Variants in DCAF12 observed in about 807,000 individuals in gnomAD.
The protein encoded by DCAF12 is DDB1 and CUL4 associated factor 12.
Under a neutral mutation model 52.8 loss-of-function variants are expected in DCAF12, and 28 were observed. That is an observed-to-expected ratio of 0.53 (90% confidence interval 0.39 to 0.73). The LOEUF (loss-of-function observed/expected upper bound fraction) is 0.73, where lower values mean the gene tolerates loss of function less well. Ranked by LOEUF, DCAF12 falls within the 30% of genes least tolerant of loss-of-function variation. DCAF12 has a pLI of 0.00. For missense variants in DCAF12, 425 were observed against 552.2 expected, an observed-to-expected ratio of 0.77 and a Z score of 2.31; for synonymous variants, 196 against 215.5, an observed-to-expected ratio of 0.91 and a Z score of 0.79.
intron 4 of DCAF12, among the ~76,000 whole-genome samples, chr9:34,102,620 T>C (rs1316556492): frequency 1.3e-5 from 2 of 151,842 alleles, no homozygotes; most frequent in African/African-American, 4.8e-5. Flanking sequence ...ACCACTGCAC[T>C]CCAGCCTGGA....
rs747447158 is a variant in DCAF12, at chr9:34,088,513, G to A, written c.1204-5C>T. The A allele has an allele frequency of 3.0e-5, 48 of 1,613,890 alleles. No homozygotes were observed. The highest frequency in any genetic ancestry group is 1.6e-4 in the South Asian group (15 of 91,072). On this transcript the variant is annotated splice_region_variant and splice_polypyrimidine_tract_variant and intron_variant, in intron 8 of 8. Coordinates refer to ENST00000361264, the MANE Select transcript of DCAF12 (RefSeq NM_015397.4). ...CCTCCAGGTTTCATCATGATTCTACGGGAAGAGAAAGAGACTACAATTAGC... is the reference window on the plus strand; with the variant it reads ...CCTCCAGGTTTCATCATGATTCTACAGGAAGAGAAAGAGACTACAATTAGC...
Position 34,109,908 on chromosome 9 carries a change from G to C in DCAF12, c.334-2343C>G, listed in dbSNP as rs112138431. 5.6e-3 allele frequency: 1,353 copies of C among 242,874 alleles called. 20 individuals carry two copies. Among genetic ancestry groups the C allele is most frequent in the African/African-American group, 0.029 (1,274 of 43,844 alleles). 15.0% of individuals were successfully genotyped at this position (242,874 alleles called of 1,614,324 possible). On this transcript the variant is annotated intron_variant, in intron 2 of 8. Transcript: ENST00000361264. ...TGTTTTCTGTGAGCTGGTGGACGGAGAGGGTGACATTGTAGGGCTCTACCA... is the reference window on the plus strand; with the variant it reads ...TGTTTTCTGTGAGCTGGTGGACGGACAGGGTGACATTGTAGGGCTCTACCA...
In DCAF12 at chr9:34,108,897, A is replaced by G. The variant is rs867854285; in HGVS notation, c.334-1332T>C. ...ACTTAGCTACTCAGGAGGCTGAGGC[A>G]TAAGGATCACAAATTGAGTCCAGCC... On this transcript the variant is annotated intron_variant, in intron 2 of 8. Coordinates refer to ENST00000361264, the MANE Select transcript of DCAF12 (RefSeq NM_015397.4). Among the ~76,000 whole-genome samples, 86 of 149,748 alleles carry G rather than the reference A, an allele frequency of 5.7e-4. 1 individual carries two copies. Among genetic ancestry groups the G allele is most frequent in the African/African-American group, 2.0e-3 (83 of 41,142 alleles).
intron 2 of DCAF12, among the ~76,000 whole-genome samples, chr9:34,111,625 G>A (rs1207966141): frequency 6.6e-6 from 1 of 152,180 alleles, no homozygotes; most frequent in East Asian, 1.9e-4. Context: ...ATCCCTGTGA[G>A]GGTGAGGCTC....
At chr9:34,125,623 T>C (rs1248787718) in intron 1 of DCAF12, 2 of 476,494 alleles carry the variant, frequency 4.2e-6, no homozygotes, top group Non-Finnish European at 8.7e-6. Context: ...GCTGCATCTC[T>C]ACCCAGCCCC....
At chr9:34,108,986 A>T (rs1278964248) in intron 2 of DCAF12, among the ~76,000 whole-genome samples, 4 of 8,518 alleles carry the variant, frequency 4.7e-4, no homozygotes, top group African/African-American at 8.3e-4. Context: ...ATATGTTTTT[A>T]TATATATATA....
chr9:34,123,476 A>C (rs555682825), intron 2 of DCAF12, among the ~76,000 whole-genome samples: 1 of 152,204 alleles, frequency 6.6e-6, no homozygotes, highest in African/African-American at 2.4e-5. Context: ...CCAATGTCAC[A>C]AAGTTCAGAG....
chr9:34,125,666 C>T (rs1340926418), intron 1 of DCAF12: 4 of 464,310 alleles, frequency 8.6e-6, no homozygotes, highest in South Asian at 6.2e-5. Flanking sequence ...CCCACTGGAG[C>T]ACGGAAGATA....
At chr9:34,100,499 CT>C (rs540489235) in intron 4 of DCAF12, among the ~76,000 whole-genome samples, 432 of 133,836 alleles carry the variant, frequency 3.2e-3, no homozygotes, top group Admixed American at 3.2e-3. Flanking sequence ...CGCCCAGCTT[CT>C]TTTTTTTTTT....
chr9:34,124,826 A>T (rs1829222218), intron 2 of DCAF12, among the ~76,000 whole-genome samples, 197 bp downstream of exon 2: 2 of 152,224 alleles, frequency 1.3e-5, no homozygotes, highest in Admixed American at 1.3e-4. Flanking sequence ...TCCTTTGAGG[A>T]CTTATCAGAA....
intron 4 of DCAF12, among the ~76,000 whole-genome samples, 170 bp from the exon 5 acceptor site, chr9:34,098,687 C>A (rs1251999569): frequency 6.6e-6 from 1 of 152,220 alleles, no homozygotes; most frequent in Admixed American, 6.5e-5. Flanking sequence ...ATTTTAATAG[C>A]TACACTAAGA....
chr9:34,124,975 A>T (rs374102358), intron 2 of DCAF12, 48 bp downstream of exon 2: 21 of 1,598,458 alleles, frequency 1.3e-5, no homozygotes, highest in African/African-American at 1.2e-4. Context: ...CAAGTGGAGC[A>T]ATATATCCAC....
At chr9:34,113,835 G>A (rs1450482988) in intron 2 of DCAF12, among the ~76,000 whole-genome samples, 1 of 151,922 alleles carries the variant, frequency 6.6e-6, no homozygotes, top group Non-Finnish European at 1.5e-5. Flanking sequence ...CAGGCCAGGC[G>A]CAGTGGCTCA....
intron 3 of DCAF12, 98 bp from the exon 4 acceptor site, chr9:34,106,592 G>T: frequency 9.8e-7 from 1 of 1,017,224 alleles, no homozygotes; most frequent in Non-Finnish European, 1.5e-6. Context: ...AAGTCAGACT[G>T]AAAATATTTT....
At chr9:34,092,228 T>C (rs981057398) in intron 7 of DCAF12, among the ~76,000 whole-genome samples, 1 of 152,216 alleles carries the variant, frequency 6.6e-6, no homozygotes, top group African/African-American at 2.4e-5. Flanking sequence ...CATATGTATA[T>C]ATCCATGACA....
chr9:34,102,675 C>T (rs1439004803), intron 4 of DCAF12, among the ~76,000 whole-genome samples: 1 of 151,584 alleles, frequency 6.6e-6, no homozygotes, highest in African/African-American at 2.4e-5. Flanking sequence ...CAAACAACAA[C>T]AAAAAACAAG....
chr9:34,117,304 C>T (rs1228194073), intron 2 of DCAF12, among the ~76,000 whole-genome samples: 1 of 149,356 alleles, frequency 6.7e-6, no homozygotes, highest in Non-Finnish European at 1.5e-5. Flanking sequence ...GTGCCCACCA[C>T]CACGCCCGGC....
intron 4 of DCAF12, among the ~76,000 whole-genome samples, chr9:34,105,864 TCAGTCTCCTGAG>T (rs1828896413): frequency 6.6e-6 from 1 of 151,236 alleles, no homozygotes; most frequent in Admixed American, 6.6e-5. Context: ...TTCTCCTGCC[TCAGTCTCCTGAG>T]CAGCTGGGAC....
At chr9:34,117,250 T>C (rs1366756270) in intron 2 of DCAF12, among the ~76,000 whole-genome samples, 1 of 146,648 alleles carries the variant, frequency 6.8e-6, no homozygotes, top group Non-Finnish European at 1.5e-5. Context: ...TGATTTCTAA[T>C]CCTTGATTTT....
Sources: allele counts gnomAD v4.1 joint callset (sites outside exome capture counted in the v4.1 genomes callset), GRCh38; gene constraint gnomAD v4.1.1; transcripts MANE v1.5; gene names NCBI Gene and HGNC (gene_info 2026-07-23, HGNC 2026-07-21).